JPT2: variants seen among roughly 807,000 people sequenced by gnomAD.
JPT2 encodes CRAMP_1 like.
In JPT2, 9 loss-of-function variants were observed where a neutral mutation model predicts 15.9. The observed-to-expected ratio is 0.57, with a 90% CI of 0.34 to 0.99. JPT2 has a LOEUF of 0.99. JPT2 is among the 50% of genes least tolerant of loss of function. JPT2 has a pLI of 0.02. For synonymous variants in JPT2, 95 were observed against 91.7 expected, an observed-to-expected ratio of 1.04 and a Z score of -0.21; for missense variants, 267 against 252.1, an observed-to-expected ratio of 1.06 and a Z score of -0.40.
intron 1 of JPT2, among the ~76,000 whole-genome samples, chr16:1,678,668 G>A (rs1174633633): frequency 2.0e-5 from 3 of 152,172 alleles, no homozygotes; most frequent in Non-Finnish European, 2.9e-5. Context: ...GCGCCTGGGC[G>A]CCCGCGTTCC....
intron 3 of JPT2, among the ~76,000 whole-genome samples, chr16:1,697,496 GAAC>G (rs1225775023): frequency 6.8e-6 from 1 of 147,672 alleles, no homozygotes; most frequent in East Asian, 2.0e-4. Context: ...CTGAATGACT[GAAC>G]AAGACTCTTG....
At chr16:1,696,506 G>C (rs1292900227) in intron 3 of JPT2, among the ~76,000 whole-genome samples, 1 of 151,552 alleles carries the variant, frequency 6.6e-6, no homozygotes, top group Non-Finnish European at 1.5e-5. Context: ...GGGCAACAGA[G>C]TGAGACTCCG....
Position 1,698,828 on chromosome 16 carries a change from G to A in JPT2, c.403G>A (p.Ala135Thr). ...TCCCACAGCTGCAAGGAGCATCCCG[G>A]CTGGAGCAGAGCCAGGTGAGAAAGG... ...SDLKAARSIP[A>T]GAEPGEKGSA... Residue 135 changes from alanine to threonine, a missense_variant, in exon 5 of 5, where the codon GCT (alanine) becomes ACT (threonine). Transcript: ENST00000248098. This position sits in a 1 kb window ranked among gnomAD's most constrained non-coding sequence, Gnocchi z 4.9. 5 of 1,613,116 alleles carry A rather than the reference G, an allele frequency of 3.1e-6. No individual in the cohort carries two copies.
At chr16:1,690,144 G>C (rs1402534601) in intron 2 of JPT2, 1 of 152,192 alleles carries the variant, frequency 6.6e-6, no homozygotes, top group Non-Finnish European at 1.5e-5. Flanking sequence ...TGGTGTCCCA[G>C]AAAGCCACCC....
At position 1,699,045 on chromosome 16, in the gene JPT2, A is replaced by G. The variant is rs765021689; in HGVS notation, c.*47A>G. 6.3e-7 allele frequency: 1 copy of G among 1,579,892 alleles called. No individual in the cohort carries two copies. The highest frequency in any genetic ancestry group is 1.1e-5 in the South Asian group (1 of 90,434). On this transcript the variant is annotated 3_prime_UTR_variant, in exon 5 of 5. Coordinates refer to ENST00000248098, the MANE Select transcript of JPT2 (RefSeq NM_144570.3). The stretch of plus-strand genomic sequence containing the variant: ...GAGCCAGACCAGAAACTCAAGAGAT[A>G]GGGTAGCCATGTTTTCATTTCCTTT...
intron 2 of JPT2, chr16:1,690,571 GA>G (rs1238740554): frequency 1.3e-5 from 2 of 152,130 alleles, no homozygotes; most frequent in Non-Finnish European, 2.9e-5. Context: ...TTCGAGAACA[GA>G]AAATGCAAAA....
intron 2 of JPT2, chr16:1,690,062 C>G (rs948637281): frequency 6.6e-6 from 1 of 152,244 alleles, no homozygotes; most frequent in Non-Finnish European, 1.5e-5. Context: ...AAGGTAGACA[C>G]GCCCGCCCGA....
intron 3 of JPT2, among the ~76,000 whole-genome samples, chr16:1,692,651 T>G (rs2037112321): frequency 6.6e-6 from 1 of 152,238 alleles, no homozygotes; most frequent in South Asian, 2.1e-4. Flanking sequence ...CTACCCTAGC[T>G]TGGACATTTG....
Position 1,699,896 on chromosome 16 carries a change from T to C in JPT2, c.*898T>C, listed in dbSNP as rs1300119930. 3.4e-6 allele frequency: 1 copy of C among 296,516 alleles called. No homozygotes were observed. The allele number at this position is 296,516 out of a possible 1,614,324, so 18.4% of individuals were successfully genotyped here. ...TTCAGATATTTCCGAGTAAGTGGCT[T>C]GTTTAAATTCTTCCTGTGTCTTTCT... On this transcript the variant is annotated 3_prime_UTR_variant, in exon 5 of 5. Coordinates refer to ENST00000248098, the MANE Select transcript of JPT2 (RefSeq NM_144570.3).
intron 3 of JPT2, among the ~76,000 whole-genome samples, chr16:1,695,840 C>T (rs2037137555): frequency 6.6e-6 from 1 of 152,132 alleles, no homozygotes; most frequent in South Asian, 2.1e-4. Flanking sequence ...AACTGCACTC[C>T]AGCATGGGCA....
At position 1,685,576 on chromosome 16, in the gene JPT2, C is replaced by T. The variant is rs775783585; in HGVS notation, c.182C>T (p.Thr61Ile). 40 of 1,613,788 alleles carry T rather than the reference C, an allele frequency of 2.5e-5. No homozygotes were observed. Among genetic ancestry groups the T allele is most frequent in the Non-Finnish European group, 3.3e-5 (39 of 1,179,944 alleles). The change falls in exon 2 of 5, where the codon ACA becomes ATA. Residue 61 changes from threonine (T) to isoleucine (I), a missense_variant. Coordinates refer to ENST00000248098, the MANE Select transcript of JPT2 (RefSeq NM_144570.3). ...TEEPQNIPKR[T>I]NPPGGKGSGI... ...GAACCTCAGAACATACCCAAGAGGA[C>T]AAATCCCCCAGGTATGGGCCTTTGG... is the stretch of plus-strand genomic sequence containing the variant.
intron 2 of JPT2, among the ~76,000 whole-genome samples, chr16:1,691,046 T>C (rs1265606024): frequency 6.6e-6 from 1 of 152,234 alleles, no homozygotes; most frequent in Non-Finnish European, 1.5e-5. Context: ...TTATAAGTTC[T>C]TGGTGCACCA....
At chr16:1,696,973 C>A (rs2037146686) in intron 3 of JPT2, among the ~76,000 whole-genome samples, 1 of 152,124 alleles carries the variant, frequency 6.6e-6, no homozygotes, top group Admixed American at 6.5e-5. Flanking sequence ...TACGTACTCA[C>A]AAGATTTGAA....
Position 1,698,853 on chromosome 16 carries a change from G to A in JPT2, c.428G>A (p.Gly143Asp). 1 of 1,614,146 alleles carries A rather than the reference G, an allele frequency of 6.2e-7. No homozygotes were observed. The highest frequency in any genetic ancestry group is 2.2e-5 in the East Asian group (1 of 44,886). Residue 143 changes from glycine to aspartate, a missense_variant, in exon 5 of 5, where the codon GGC becomes GAC. Physicochemically the swap from Gly to Asp is moderately conservative, Grantham distance 94. Coordinates refer to ENST00000248098, the MANE Select transcript of JPT2 (RefSeq NM_144570.3). This position sits in a 1 kb window ranked among gnomAD's most constrained non-coding sequence, Gnocchi z 4.9. The part of the protein sequence containing the change: ...IPAGAEPGEK[G>D]SARKAGPAKE... ...GCTGGAGCAGAGCCAGGTGAGAAAG[G>A]CAGCGCCAGAAAAGCAGGCCCCGCC...
At chr16:1,679,134 G>T (rs2036999618) in intron 1 of JPT2, among the ~76,000 whole-genome samples, 1 of 152,218 alleles carries the variant, frequency 6.6e-6, no homozygotes, top group Admixed American at 6.5e-5. Context: ...GCATGAATTA[G>T]AGGGACAGAG....
intron 1 of JPT2, chr16:1,683,692 G>T: frequency 1.2e-6 from 1 of 814,498 alleles, no homozygotes; most frequent in South Asian, 1.5e-5. Context: ...TTTATAGCAG[G>T]AGATCTGAGA....
chr16:1,689,863 A>C (rs1175366158), intron 2 of JPT2: 2 of 152,238 alleles, frequency 1.3e-5, no homozygotes, highest in Non-Finnish European at 2.9e-5. Context: ...GTCTGGCCAC[A>C]GGACACTCTC....
chr16:1,692,431 T>C (rs1596508541), intron 3 of JPT2: 1 of 182,704 alleles, frequency 5.5e-6, no homozygotes, highest in East Asian at 1.5e-4. Context: ...GTGGAGATTG[T>C]CAGCACTTGA....
chr16:1,693,083 G>C (rs576573525), intron 3 of JPT2, among the ~76,000 whole-genome samples: 6 of 152,196 alleles, frequency 3.9e-5, no homozygotes, highest in Admixed American at 6.5e-5. Context: ...GCTGAGGTTT[G>C]GTCGTGTTTT....
Sources: gnomAD v4.1 joint callset for allele counts (sites outside exome capture counted in the v4.1 genomes callset) on GRCh38, gnomAD v4.1.1 for gene constraint, Gnocchi (gnomAD v3.1) non-coding constraint, MANE v1.5 for transcripts, NCBI Gene and HGNC (gene_info 2026-07-23, HGNC 2026-07-21) for gene names.